Variants in MBNL1 observed in about 807,000 individuals in gnomAD.
MBNL1 encodes the protein muscleblind like splicing regulator 1, also known as muscleblind-like protein 1.
MBNL1 carries 8 observed loss-of-function variants against 42.2 expected under a neutral mutation model. The ratio of observed to expected loss-of-function variants is 0.19; its 90% CI spans 0.11 to 0.34. MBNL1 has a LOEUF of 0.34. Ranked by LOEUF, MBNL1 falls within the 10% of genes least tolerant of loss-of-function variation. The pLI, the probability that MBNL1 is intolerant of heterozygous loss-of-function variation, is 1.00. For synonymous variants in MBNL1, 169 were observed against 173.9 expected (o/e 0.97, Z 0.22); for missense variants, 309 against 495.3 (o/e 0.62, Z 3.57).
At chr3:152,286,379 TATTTA>T (rs1197691850) in intron 1 of MBNL1, among the ~76,000 whole-genome samples, 1 of 139,656 alleles carries the variant, frequency 7.2e-6, no homozygotes, top group African/African-American at 2.6e-5. Flanking sequence ...ATAATATAAA[TATTTA>T]ATTATATTTT....
chr3:152,272,722 A>G (rs531303270), intron 1 of MBNL1, among the ~76,000 whole-genome samples: 70 of 152,328 alleles, frequency 4.6e-4, no homozygotes, highest in Non-Finnish European at 8.7e-4. Flanking sequence ...ACGTAACATT[A>G]TGGGCTCTGA....
At chr3:152,301,956 C>G (rs941704490) in intron 2 of MBNL1, 1 of 152,304 alleles carries the variant, frequency 6.6e-6, no homozygotes, top group South Asian at 2.1e-4. Flanking sequence ...AAATGAAGGA[C>G]ATTAAATTTG....
intron 2 of MBNL1, among the ~76,000 whole-genome samples, chr3:152,374,327 A>G (rs1355192467): frequency 6.6e-6 from 1 of 152,118 alleles, no homozygotes; most frequent in African/African-American, 2.4e-5. Flanking sequence ...TTCATTTTTG[A>G]TTAGAGGATT....
At position 152,307,170 on chromosome 3, in the gene MBNL1, A is replaced by G. The variant is rs532521442; in HGVS notation, c.174+6803A>G. 3.3e-5 allele frequency among the ~76,000 whole-genome samples: 5 copies of G among 152,120 alleles called. No individual in the cohort carries two copies. The South Asian group carries it at 6.2e-4, about 19-fold the overall frequency. On this transcript the variant is annotated intron_variant, in intron 2 of 9. Transcript: ENST00000324210. ...ATGCCCAGCTAATTTTTGCATTTTT[A>G]GTAGAGACAGGGTTTCACCGTGTTG...
intron 2 of MBNL1, among the ~76,000 whole-genome samples, chr3:152,386,642 C>T (rs999274763): frequency 1.3e-5 from 2 of 151,836 alleles, no homozygotes; most frequent in African/African-American, 2.4e-5. Context: ...CTCAACATCC[C>T]GTTGGTGTGT....
rs567290952 is a variant in MBNL1, at chr3:152,349,873, T to A, written c.174+49506T>A. On this transcript the variant is annotated intron_variant, in intron 2 of 9. Coordinates refer to ENST00000324210, the MANE Select transcript of MBNL1 (RefSeq NM_021038.5). ...CCTTGAGATTTATAGTTGGGATGAC[T>A]AGGCCTGGAGCATTGCCCTTTGCTA... Among the ~76,000 whole-genome samples the A allele has an allele frequency of 1.2e-4, 19 of 152,218 alleles. No individual in the cohort carries two copies. The South Asian group carries it at 2.9e-3, about 23-fold the overall frequency.
chr3:152,416,603 CATT>C (rs2153657112), intron 3 of MBNL1, among the ~76,000 whole-genome samples: 1 of 152,310 alleles, frequency 6.6e-6, no homozygotes, highest in East Asian at 1.9e-4. Flanking sequence ...TCTACTTAAA[CATT>C]TAAAGCATGC....
chr3:152,450,754 G>T (rs1277914973), intron 6 of MBNL1, among the ~76,000 whole-genome samples: 1 of 152,156 alleles, frequency 6.6e-6, no homozygotes, highest in East Asian at 1.9e-4. Flanking sequence ...TAACACAGTA[G>T]CCCTGACATA....
intron 2 of MBNL1, among the ~76,000 whole-genome samples, chr3:152,403,491 GA>G (rs753722860): frequency 1.3e-5 from 2 of 151,906 alleles, no homozygotes; most frequent in African/African-American, 2.4e-5. Context: ...ATCTTTTTCT[GA>G]AAAACTATTC....
At chr3:152,395,833 G>A (rs777830182) in intron 2 of MBNL1, among the ~76,000 whole-genome samples, 5 of 152,208 alleles carry the variant, frequency 3.3e-5, no homozygotes, top group Non-Finnish European at 5.9e-5. Context: ...CACCTGTGTG[G>A]TTTTAGTTAC....
chr3:152,389,679 C>T (rs1456264011), intron 2 of MBNL1, among the ~76,000 whole-genome samples: 1 of 151,918 alleles, frequency 6.6e-6, no homozygotes, highest in Non-Finnish European at 1.5e-5. Flanking sequence ...AATTTTTACA[C>T]CTGTATAGTA....
intron 4 of MBNL1, among the ~76,000 whole-genome samples, chr3:152,434,674 T>C (rs767115923): frequency 8.5e-5 from 13 of 152,222 alleles, no homozygotes; most frequent in Non-Finnish European, 1.3e-4. Context: ...CAGCAGTGTA[T>C]AATTGTTTCT....
chr3:152,283,328 A>G (rs2049629809), intron 1 of MBNL1, among the ~76,000 whole-genome samples: 1 of 152,102 alleles, frequency 6.6e-6, no homozygotes, highest in Admixed American at 6.5e-5. Context: ...TTTACGTGTG[A>G]TATATACCCC....
intron 2 of MBNL1, among the ~76,000 whole-genome samples, chr3:152,354,450 C>T (rs1337685430): frequency 2.0e-5 from 3 of 151,974 alleles, no homozygotes; most frequent in African/African-American, 7.3e-5. Context: ...GCAAAACCTG[C>T]CTCTTAAAAA....
intron 2 of MBNL1, among the ~76,000 whole-genome samples, chr3:152,326,733 C>A: frequency 6.6e-6 from 1 of 151,706 alleles, no homozygotes; most frequent in Non-Finnish European, 1.5e-5. Context: ...CACATATAAT[C>A]AAGGATGCCA....
At chr3:152,446,806 T>C (rs765935958) in intron 5 of MBNL1, 7 of 1,509,778 alleles carry the variant, frequency 4.6e-6, no homozygotes, top group Admixed American at 2.0e-5. Context: ...TTATTGTAGA[T>C]ACAAGTTTTT....
intron 2 of MBNL1, among the ~76,000 whole-genome samples, chr3:152,323,636 A>C (rs1200270584): frequency 6.6e-6 from 1 of 152,150 alleles, no homozygotes; most frequent in Non-Finnish European, 1.5e-5. Flanking sequence ...GCAAACGTAT[A>C]CAGCCTGTTA....
intron 2 of MBNL1, among the ~76,000 whole-genome samples, chr3:152,303,393 A>G (rs2061547586): frequency 6.6e-6 from 1 of 152,170 alleles, no homozygotes; most frequent in Non-Finnish European, 1.5e-5. Context: ...TTAATTTATA[A>G]TAGTCTAAGA....
intron 2 of MBNL1, among the ~76,000 whole-genome samples, chr3:152,342,517 T>G (rs1357834768): frequency 2.0e-5 from 3 of 149,976 alleles, no homozygotes; most frequent in Non-Finnish European, 4.4e-5. Flanking sequence ...GAGTCAGAAT[T>G]CAGGCCCAAC....
Sources: allele counts gnomAD v4.1 joint callset (sites outside exome capture counted in the v4.1 genomes callset), GRCh38; gene constraint gnomAD v4.1.1; transcripts MANE v1.5; gene names NCBI Gene and HGNC (gene_info 2026-07-23, HGNC 2026-07-21).